The following COPG2 variants were observed in gnomAD, a reference collection of about 807,000 sequenced individuals.
COPG2 encodes the protein coat protein complex I subunit gamma 2, also known as coatomer subunit gamma-2.
In COPG2, 37 loss-of-function variants were observed where a neutral mutation model predicts 46.3. The ratio of observed to expected loss-of-function variants is 0.80; its 90% confidence interval spans 0.61 to 1.05. COPG2 has a LOEUF of 1.05. Ranked by LOEUF, COPG2 falls within the 50% of genes least tolerant of loss-of-function variation. The pLI, the probability that COPG2 is intolerant of heterozygous loss-of-function variation, is 0.00. For synonymous variants in COPG2, 159 were observed against 129.7 expected (o/e 1.23, Z -1.53); for missense variants, 427 against 387.8 (o/e 1.10, Z -0.85).
chr7:130,602,241 T>C (rs536170293), intron 9 of COPG2, among the ~76,000 whole-genome samples: 1 of 152,310 alleles, frequency 6.6e-6, no homozygotes, highest in Non-Finnish European at 1.5e-5. Flanking sequence ...ATTTGAAGGC[T>C]TTACCTCAAT....
At chr7:130,659,888 G>T (rs1795941289) in intron 4 of COPG2, among the ~76,000 whole-genome samples, 2 of 152,006 alleles carry the variant, frequency 1.3e-5, no homozygotes, top group Admixed American at 6.6e-5. Context: ...CTTCAGCCTG[G>T]GCGACAACTC....
At chr7:130,585,308 A>T (rs1318250010) in intron 9 of COPG2, among the ~76,000 whole-genome samples, 1 of 152,098 alleles carries the variant, frequency 6.6e-6, no homozygotes, top group Non-Finnish European at 1.5e-5. Flanking sequence ...CCTTATACAA[A>T]AATCAACTCA....
At chr7:130,628,747 T>C (rs1472443140) in intron 5 of COPG2, among the ~76,000 whole-genome samples, 3 of 152,144 alleles carry the variant, frequency 2.0e-5, no homozygotes, top group Non-Finnish European at 2.9e-5. Context: ...GTTTTTGTTG[T>C]GTAAGAAAGT....
At chr7:130,660,491 C>T (rs1157911178) in intron 4 of COPG2, among the ~76,000 whole-genome samples, 2 of 152,136 alleles carry the variant, frequency 1.3e-5, no homozygotes, top group Admixed American at 6.6e-5. Context: ...AACCCTCATA[C>T]CACCAGGCCT....
Position 130,613,127 on chromosome 7 carries a change from G to C in COPG2, c.492+417C>G, listed in dbSNP as rs185177911. Among the ~76,000 whole-genome samples the C allele has an allele frequency of 1.3e-3, 205 of 152,300 alleles. 1 individual carries two copies. Among genetic ancestry groups the C allele is most frequent in the Non-Finnish European group, 2.5e-4 (17 of 68,020 alleles). ...GGAAGACAATTTTCCCATGGACAGA[G>C]GGCAGAGGGATAGTTTTTGGATGAA... On this transcript the variant is annotated intron_variant, in intron 7 of 23. Transcript: ENST00000425248.
chr7:130,513,219 G>A (rs1476083980), intron 20 of COPG2, among the ~76,000 whole-genome samples: 1 of 147,468 alleles, frequency 6.8e-6, no homozygotes, highest in African/African-American at 2.5e-5. Flanking sequence ...CCGGGAGGTG[G>A]AGGATGCAGT....
intron 4 of COPG2, among the ~76,000 whole-genome samples, chr7:130,659,180 C>T (rs1270193125): frequency 1.3e-5 from 2 of 151,338 alleles, no homozygotes; most frequent in Non-Finnish European, 2.9e-5. Flanking sequence ...ACAGTGAAAC[C>T]CCGTCTCTAC....
intron 20 of COPG2, among the ~76,000 whole-genome samples, chr7:130,540,252 G>T (rs1284562726): frequency 1.3e-5 from 2 of 152,036 alleles, no homozygotes; most frequent in Non-Finnish European, 2.9e-5. Flanking sequence ...TACAGGCTGG[G>T]GTAGCCGTCT....
intron 5 of COPG2, among the ~76,000 whole-genome samples, chr7:130,649,471 G>A (rs1269576138): frequency 6.6e-6 from 1 of 152,148 alleles, no homozygotes; most frequent in Non-Finnish European, 1.5e-5. Flanking sequence ...AATCTCTTCA[G>A]TTAAACATCC....
intron 5 of COPG2, among the ~76,000 whole-genome samples, chr7:130,647,589 G>C (rs1486829074): frequency 6.6e-6 from 1 of 151,948 alleles, no homozygotes; most frequent in African/African-American, 2.4e-5. Flanking sequence ...TACGGTGGTT[G>C]TATCATTCTA....
At position 130,639,356 on chromosome 7, in the gene COPG2, A is replaced by G. The variant is rs186072962; in HGVS notation, c.323+13513T>C. On this transcript the variant is annotated intron_variant, in intron 5 of 23. Transcript: ENST00000425248. The stretch of plus-strand genomic sequence containing the variant: ...AGTACATGGTTGCAGTAGCTGCTTT[A>G]AAGTATTTAAGAATCCCTACAACTG... Among the ~76,000 whole-genome samples, 23 of 152,288 alleles carry G rather than the reference A, an allele frequency of 1.5e-4. No individual in the cohort carries two copies. In the East Asian group the frequency reaches 3.7e-3, roughly 24 times the overall value.
chr7:130,517,031 C>T (rs1238368150), intron 20 of COPG2, among the ~76,000 whole-genome samples: 2 of 152,008 alleles, frequency 1.3e-5, no homozygotes, highest in Non-Finnish European at 2.9e-5. Flanking sequence ...CTAAGAATGA[C>T]ACACAGGTGA....
chr7:130,508,707 G>A (rs1181015367), intron 20 of COPG2, 48 bp from the exon 21 acceptor site: 1 of 618,106 alleles, frequency 1.6e-6, no homozygotes, highest in South Asian at 1.6e-5. Flanking sequence ...GTGCAAGGGA[G>A]ACGTTTCCAT....
At chr7:130,575,980 T>C (rs570149873) in intron 9 of COPG2, among the ~76,000 whole-genome samples, 2 of 152,288 alleles carry the variant, frequency 1.3e-5, no homozygotes, top group South Asian at 4.1e-4. Flanking sequence ...AAGGGGTACA[T>C]TAGATAATGG....
intron 20 of COPG2, among the ~76,000 whole-genome samples, chr7:130,545,908 ATTG>A (rs1793435482): frequency 6.6e-6 from 1 of 151,978 alleles, no homozygotes; most frequent in Non-Finnish European, 1.5e-5. Flanking sequence ...TAATTTCTAT[ATTG>A]TTGTTTTGTG....
At chr7:130,536,946 G>A (rs1799886041) in intron 20 of COPG2, among the ~76,000 whole-genome samples, 1 of 151,214 alleles carries the variant, frequency 6.6e-6, no homozygotes, top group African/African-American at 2.4e-5. Flanking sequence ...AGACAGTGTG[G>A]AAGGAGAGCG....
intron 9 of COPG2, among the ~76,000 whole-genome samples, chr7:130,599,547 C>A (rs1357353478): frequency 6.6e-6 from 1 of 152,084 alleles, no homozygotes; most frequent in Non-Finnish European, 1.5e-5. Context: ...CCCCAAACCC[C>A]CCTTGTATGG....
At chr7:130,667,580 C>T (rs1158079346) in intron 1 of COPG2, 46 bp from the exon 2 acceptor site, 3 of 1,487,504 alleles carry the variant, frequency 2.0e-6, no homozygotes, top group Non-Finnish European at 2.8e-6. Flanking sequence ...AGCTGTTCTA[C>T]ACAAACTTAT....
chr7:130,645,265 A>G (rs1563069599), intron 5 of COPG2: 4 of 659,980 alleles, frequency 6.1e-6, no homozygotes, highest in Non-Finnish European at 1.1e-5. Flanking sequence ...GCAAAGAGAT[A>G]TTACCTGGGG....
Sources: allele counts gnomAD v4.1 joint callset (sites outside exome capture counted in the v4.1 genomes callset), GRCh38; gene constraint gnomAD v4.1.1; transcripts MANE v1.5; gene names NCBI Gene and HGNC (gene_info 2026-07-23, HGNC 2026-07-21).